TRPS1: variants seen among roughly 807,000 people sequenced by gnomAD.
TRPS1 encodes zinc finger transcription factor Trps1.
In TRPS1, 6 loss-of-function variants were observed where a neutral mutation model predicts 101.2. The ratio of observed to expected loss-of-function variants is 0.06; its 90% confidence interval spans 0.03 to 0.12. TRPS1 has a LOEUF of 0.12. TRPS1 is among the 10% of genes least tolerant of loss of function. The probability of loss-of-function intolerance (pLI) is 1.00; values close to 1 mark genes in which losing one functional copy is unlikely to be tolerated. For synonymous variants in TRPS1, 578 were observed against 589.8 expected (o/e 0.98, Z 0.29); for missense variants, 1,363 against 1,567.0 (o/e 0.87, Z 2.20).
At chr8:115,512,389 C>G (rs1261313244) in intron 5 of TRPS1, among the ~76,000 whole-genome samples, 1 of 151,508 alleles carries the variant, frequency 6.6e-6, no homozygotes, top group Admixed American at 6.6e-5. Context: ...AAGAATTGGA[C>G]ATAAATGAAC....
intron 5 of TRPS1, among the ~76,000 whole-genome samples, chr8:115,474,019 T>C (rs147330186): frequency 7.9e-4 from 120 of 152,290 alleles, no homozygotes; most frequent in African/African-American, 2.9e-3. Context: ...TTCAAAATCA[T>C]TCATGTTATA....
At chr8:115,628,857 A>C (rs1159312263) in intron 1 of TRPS1, among the ~76,000 whole-genome samples, 2 of 151,810 alleles carry the variant, frequency 1.3e-5, no homozygotes, top group Non-Finnish European at 3.0e-5. Context: ...AAATGAAAGG[A>C]GATTCCTTGG....
chr8:115,593,940 C>A (rs1817731929), intron 4 of TRPS1, among the ~76,000 whole-genome samples: 1 of 151,950 alleles, frequency 6.6e-6, no homozygotes. Flanking sequence ...TATGTAATTA[C>A]CCTAAGGTCG....
At chr8:115,500,758 T>C (rs568804767) in intron 5 of TRPS1, among the ~76,000 whole-genome samples, 24 of 151,930 alleles carry the variant, frequency 1.6e-4, no homozygotes, top group African/African-American at 5.8e-4. Flanking sequence ...GTGTTTTTAG[T>C]AGAGACAGGG....
At chr8:115,580,568 A>T (rs987257715) in intron 5 of TRPS1, among the ~76,000 whole-genome samples, 1 of 152,092 alleles carries the variant, frequency 6.6e-6, no homozygotes, top group African/African-American at 2.4e-5. Flanking sequence ...CATGCAGTCC[A>T]TGGAAAAGAG....
chr8:115,423,789 A>G (rs751180822), intron 5 of TRPS1, among the ~76,000 whole-genome samples: 4 of 152,202 alleles, frequency 2.6e-5, no homozygotes, highest in Admixed American at 6.5e-5. Context: ...CTTGGCATAC[A>G]TGTTAGGAAA....
intron 5 of TRPS1, among the ~76,000 whole-genome samples, chr8:115,497,921 G>A (rs936433778): frequency 1.0e-5 from 1 of 96,530 alleles, no homozygotes; most frequent in African/African-American, 4.1e-5. Flanking sequence ...GAGAGGAGTA[G>A]GTAAGGTCAT....
intron 3 of TRPS1, among the ~76,000 whole-genome samples, chr8:115,607,691 A>T (rs1818071736): frequency 6.6e-6 from 1 of 151,776 alleles, no homozygotes; most frequent in African/African-American, 2.4e-5. Context: ...CTAATATAAT[A>T]TTAGAATCAC....
chr8:115,576,623 A>G (rs979038197), intron 5 of TRPS1, among the ~76,000 whole-genome samples: 2 of 152,144 alleles, frequency 1.3e-5, no homozygotes, highest in Admixed American at 6.6e-5. Flanking sequence ...ACTTTCCACT[A>G]CATCACAAGG....
intron 5 of TRPS1, among the ~76,000 whole-genome samples, chr8:115,583,807 A>G (rs954937083): frequency 2.0e-5 from 3 of 152,062 alleles, no homozygotes; most frequent in Non-Finnish European, 4.4e-5. Context: ...CATACTAATA[A>G]CAAGGGAAAA....
intron 1 of TRPS1, among the ~76,000 whole-genome samples, chr8:115,629,644 GC>G (rs1818595621): frequency 6.6e-6 from 1 of 151,660 alleles, no homozygotes. Flanking sequence ...CTAAAATTGA[GC>G]CAGGAACCAA....
chr8:115,640,995 G>C (rs942615336), intron 1 of TRPS1, among the ~76,000 whole-genome samples: 1 of 152,148 alleles, frequency 6.6e-6, no homozygotes, highest in African/African-American at 2.4e-5. Context: ...CTTGGGGGTG[G>C]GGAGGTGTTG....
chr8:115,515,399 T>C, intron 5 of TRPS1: 1 of 596,486 alleles, frequency 1.7e-6, no homozygotes, highest in Non-Finnish European at 3.0e-6. Flanking sequence ...CCATGAAATA[T>C]AAATCAAATG....
chr8:115,425,259 TAA>T (rs1247958339), intron 5 of TRPS1, among the ~76,000 whole-genome samples: 1 of 152,192 alleles, frequency 6.6e-6, no homozygotes, highest in Non-Finnish European at 1.5e-5. Context: ...TTGCCTGCTT[TAA>T]AACAGTCCTC....
chr8:115,559,565 C>T (rs1357763999), intron 5 of TRPS1, among the ~76,000 whole-genome samples: 3 of 152,026 alleles, frequency 2.0e-5, no homozygotes, highest in Admixed American at 1.3e-4. Context: ...CTACTGAATA[C>T]CCAGTACCCA....
chr8:115,475,144 T>A (rs1452733304), intron 5 of TRPS1, among the ~76,000 whole-genome samples: 15 of 151,752 alleles, frequency 9.9e-5, no homozygotes, highest in Admixed American at 9.8e-4. Flanking sequence ...AGTCATTATT[T>A]TATAAACTTT....
chr8:115,616,979 T>C (rs1345765051), intron 3 of TRPS1, among the ~76,000 whole-genome samples: 1 of 152,184 alleles, frequency 6.6e-6, no homozygotes, highest in Non-Finnish European at 1.5e-5. Flanking sequence ...AAGATACTAA[T>C]AAGTTACTTA....
chr8:115,416,084 T>C (rs1259263243), intron 6 of TRPS1, among the ~76,000 whole-genome samples: 2 of 152,136 alleles, frequency 1.3e-5, no homozygotes, highest in Non-Finnish European at 2.9e-5. Flanking sequence ...GCATTAGTTT[T>C]GTGTTGAAAA....
chr8:115,424,707 C>T (rs1443764200), intron 5 of TRPS1, among the ~76,000 whole-genome samples: 1 of 152,242 alleles, frequency 6.6e-6, no homozygotes, highest in Non-Finnish European at 1.5e-5. Flanking sequence ...TTTGTAAAAA[C>T]GTGTAACAGT....
Sources: gnomAD v4.1 joint callset for allele counts (sites outside exome capture counted in the v4.1 genomes callset) on GRCh38, gnomAD v4.1.1 for gene constraint, MANE v1.5 for transcripts, NCBI Gene and HGNC (gene_info 2026-07-23, HGNC 2026-07-21) for gene names.